The following PDE4B variants were observed in gnomAD, a reference collection of about 807,000 sequenced individuals.
PDE4B encodes 3',5'-cyclic-AMP phosphodiesterase 4B.
PDE4B carries 20 observed loss-of-function variants against 82.2 expected under a neutral mutation model. That is an observed-to-expected ratio of 0.24 (90% confidence interval 0.17 to 0.35). The LOEUF is 0.35. Ranked by LOEUF, PDE4B falls within the 10% of genes least tolerant of loss-of-function variation. PDE4B has a pLI of 1.00. For missense variants in PDE4B, 655 were observed against 907.2 expected, an observed-to-expected ratio of 0.72 and a Z score of 3.57; for synonymous variants, 320 against 318.9, an observed-to-expected ratio of 1.00 and a Z score of -0.04.
At chr1:65,896,119 A>G (rs1646908097) in intron 1 of PDE4B, among the ~76,000 whole-genome samples, 1 of 151,890 alleles carries the variant, frequency 6.6e-6, no homozygotes, top group African/African-American at 2.4e-5. Context: ...TGTATGTGTT[A>G]CTAGTCTGTT....
intron 3 of PDE4B, among the ~76,000 whole-genome samples, chr1:66,176,709 T>C (rs1361557817): frequency 6.6e-6 from 1 of 152,256 alleles, no homozygotes; most frequent in Non-Finnish European, 1.5e-5. Flanking sequence ...TCACATAAAA[T>C]AGTTCTATTT....
At chr1:65,990,045 TC>T (rs1369342512) in intron 3 of PDE4B, among the ~76,000 whole-genome samples, 4 of 152,272 alleles carry the variant, frequency 2.6e-5, no homozygotes, top group African/African-American at 9.6e-5. Flanking sequence ...GGTATTCCTA[TC>T]TTTTTTCTAG....
chr1:66,371,094 C>CTATGTATATATATATA (rs2050749674), intron 16 of PDE4B, among the ~76,000 whole-genome samples: 1 of 74,840 alleles, frequency 1.3e-5, no homozygotes, highest in Non-Finnish European at 2.8e-5. Context: ...ACACATCATA[C>CTATGTATATATATATA]TATATATATA....
chr1:66,247,739 T>C, intron 4 of PDE4B, 85 bp downstream of exon 4: 2 of 1,008,304 alleles, frequency 2.0e-6, no homozygotes, highest in East Asian at 2.5e-5. Flanking sequence ...CAATTCCCCA[T>C]TAATCTATGG....
chr1:66,032,339 C>A (rs1452359153), intron 3 of PDE4B, among the ~76,000 whole-genome samples: 1 of 152,094 alleles, frequency 6.6e-6, no homozygotes, highest in Non-Finnish European at 1.5e-5. Context: ...TGATGACAGA[C>A]CTGAATATTT....
At chr1:65,889,745 C>T (rs1646833074) in intron 1 of PDE4B, among the ~76,000 whole-genome samples, 1 of 152,102 alleles carries the variant, frequency 6.6e-6, no homozygotes, top group Non-Finnish European at 1.5e-5. Context: ...AGAACAGATG[C>T]ACTGGCAATG....
chr1:66,205,480 C>G (rs947647372), intron 3 of PDE4B, among the ~76,000 whole-genome samples: 1 of 152,190 alleles, frequency 6.6e-6, no homozygotes, highest in African/African-American at 2.4e-5. Context: ...TCCAATCCAT[C>G]TTTCTTCATT....
chr1:66,021,999 T>C (rs1482204615), intron 3 of PDE4B, among the ~76,000 whole-genome samples: 1 of 152,202 alleles, frequency 6.6e-6, no homozygotes, highest in African/African-American at 2.4e-5. Context: ...GAGCAGTGGT[T>C]AGTAGTTCTC....
At chr1:66,299,747 T>C (rs1453540825) in intron 7 of PDE4B, among the ~76,000 whole-genome samples, 1 of 152,200 alleles carries the variant, frequency 6.6e-6, no homozygotes, top group Admixed American at 6.5e-5. Flanking sequence ...TTTCTGATAA[T>C]GGCCAAAAGC....
At chr1:66,291,911 T>C (rs552992934) in intron 7 of PDE4B, among the ~76,000 whole-genome samples, 28 of 152,302 alleles carry the variant, frequency 1.8e-4, no homozygotes, top group South Asian at 1.4e-3. Flanking sequence ...GTTGTCCTAC[T>C]TTTAGGTGGT....
At chr1:65,834,718 G>A (rs925222970) in intron 1 of PDE4B, among the ~76,000 whole-genome samples, 1 of 152,118 alleles carries the variant, frequency 6.6e-6, no homozygotes, top group Non-Finnish European at 1.5e-5. Flanking sequence ...TCTAAATTGA[G>A]GCAGAATCCA....
intron 3 of PDE4B, among the ~76,000 whole-genome samples, chr1:66,063,472 G>T (rs370271493): frequency 6.6e-6 from 1 of 151,882 alleles, no homozygotes; most frequent in East Asian, 1.9e-4. Flanking sequence ...CTTTTCTAAT[G>T]TTTTTCTTAT....
chr1:66,224,106 G>T (rs369605036), intron 3 of PDE4B, among the ~76,000 whole-genome samples: 1 of 152,026 alleles, frequency 6.6e-6, no homozygotes, highest in African/African-American at 2.4e-5. Context: ...TTGATGTCAA[G>T]CATTTCCACT....
chr1:66,165,807 T>C (rs1173589115), intron 3 of PDE4B, among the ~76,000 whole-genome samples: 1 of 152,118 alleles, frequency 6.6e-6, no homozygotes, highest in East Asian at 1.9e-4. Context: ...TAAGATGGTA[T>C]TACTCCCCAG....
intron 3 of PDE4B, among the ~76,000 whole-genome samples, chr1:65,960,090 A>G (rs1649471113): frequency 6.6e-6 from 1 of 152,108 alleles, no homozygotes; most frequent in Non-Finnish European, 1.5e-5. Flanking sequence ...TGCATTTGCT[A>G]TTTTTAGCTC....
chr1:66,098,638 G>A (rs1306573304), intron 3 of PDE4B, among the ~76,000 whole-genome samples: 1 of 152,008 alleles, frequency 6.6e-6, no homozygotes, highest in East Asian at 1.9e-4. Flanking sequence ...TTGCTCCCTA[G>A]GTTCCAAGTA....
At chr1:65,858,724 A>G (rs756316512) in intron 1 of PDE4B, among the ~76,000 whole-genome samples, 9 of 152,122 alleles carry the variant, frequency 5.9e-5, no homozygotes, top group Admixed American at 1.3e-4. Context: ...TCTTCTGGTT[A>G]GTAAATCACA....
intron 7 of PDE4B, among the ~76,000 whole-genome samples, chr1:66,279,949 C>T (rs1570613789): frequency 6.6e-6 from 1 of 152,060 alleles, no homozygotes. Context: ...CAGCCAACAC[C>T]TAGATCAATA....
chr1:66,044,026 ATACTAAATGTATT>A (rs1441413190), intron 3 of PDE4B, among the ~76,000 whole-genome samples: 3 of 4,282 alleles, frequency 7.0e-4, no homozygotes, highest in Non-Finnish European at 2.3e-3. Context: ...GTCAAGTATT[ATACTAAATGTATT>A]ATACTAAATG....
Sources: gnomAD v4.1 joint callset for allele counts (sites outside exome capture counted in the v4.1 genomes callset) on GRCh38, gnomAD v4.1.1 for gene constraint, MANE v1.5 for transcripts, NCBI Gene and HGNC (gene_info 2026-07-23, HGNC 2026-07-21) for gene names.